The following AMMECR1 variants were observed in gnomAD, a reference collection of about 807,000 sequenced individuals.
The protein encoded by AMMECR1 is AMMECR nuclear protein 1.
AMMECR1 carries 3 observed loss-of-function variants against 22.5 expected under a neutral mutation model. That is an observed-to-expected ratio of 0.13 (90% CI 0.06 to 0.35). The LOEUF is 0.35. AMMECR1 is among the 10% of genes least tolerant of loss of function. The probability of loss-of-function intolerance (pLI) is 1.00; values close to 1 mark genes in which losing one functional copy is unlikely to be tolerated. For synonymous variants in AMMECR1, 130 were observed against 116.7 expected (o/e 1.11, Z -0.74); for missense variants, 235 against 278.7 (o/e 0.84, Z 1.12).
chrX:110,364,677 T>C (rs761632656), intron 2 of AMMECR1, among the ~76,000 whole-genome samples: 5 of 111,812 alleles, frequency 4.5e-5, no homozygotes, highest in Non-Finnish European at 9.4e-5. Context: ...GTGAAGCTGA[T>C]GAATGGATCC....
rs2068057590 is a variant in AMMECR1, at chrX:110,317,775, G to C, written c.297C>G (p.Thr99=). 1 of 1,175,543 alleles carries C rather than the reference G, an allele frequency of 8.5e-7. No individual in the cohort carries two copies. Among genetic ancestry groups the C allele is most frequent in the Admixed American group, 2.5e-5 (1 of 40,501 alleles). The change falls in exon 1 of 6, where the codon ACC becomes ACG. Residue 99 remains threonine (T), a synonymous_variant. Transcript: ENST00000262844. ...PSCGVGTLLS[T]PAAATSSSPS... ...GTGAGGAAGAGGTGGCGGCGGCCGG[G>C]GTAGAAAGTAGGGTCCCCACTCCGC...
At chrX:110,347,216 T>G (rs1218573816) in intron 2 of AMMECR1, among the ~76,000 whole-genome samples, 2 of 113,622 alleles carry the variant, frequency 1.8e-5, no homozygotes, top group African/African-American at 6.4e-5. Flanking sequence ...CACTGAATCT[T>G]ACTATTGTTG....
At chrX:110,287,983 G>C (rs2067889277) in intron 1 of AMMECR1, among the ~76,000 whole-genome samples, 2 of 112,122 alleles carry the variant, frequency 1.8e-5, no homozygotes, top group African/African-American at 3.2e-5. Context: ...ACTCTAATAA[G>C]TGAAGGAGAG....
chrX:110,327,673 C>T (rs1344780767), intron 2 of AMMECR1, among the ~76,000 whole-genome samples: 1 of 111,360 alleles, frequency 9.0e-6, no homozygotes, highest in Non-Finnish European at 1.9e-5. Flanking sequence ...TAGAGGAGCA[C>T]TAGGTCAAAG....
chrX:110,439,032 T>A (rs757720717), intron 1 of AMMECR1, among the ~76,000 whole-genome samples: 1 of 111,991 alleles, frequency 8.9e-6, no homozygotes, highest in Non-Finnish European at 1.9e-5. Context: ...AAACAAGTTA[T>A]GTACCCCTAA....
chrX:110,289,559 T>C (rs2067897501), intron 1 of AMMECR1, among the ~76,000 whole-genome samples: 1 of 112,491 alleles, frequency 8.9e-6, no homozygotes, highest in Non-Finnish European at 1.9e-5. Flanking sequence ...TTATTCTATT[T>C]ATACTGGAAG....
chrX:110,395,785 G>A (rs2068524788), intron 2 of AMMECR1, among the ~76,000 whole-genome samples: 1 of 110,890 alleles, frequency 9.0e-6, no homozygotes. Flanking sequence ...TACATGAGTT[G>A]CCCAGGGCAC....
intron 2 of AMMECR1, among the ~76,000 whole-genome samples, chrX:110,384,047 T>C (rs1055791705): frequency 1.8e-5 from 2 of 112,216 alleles, no homozygotes; most frequent in African/African-American, 3.2e-5. Flanking sequence ...TTATACATCA[T>C]CATTTCTTCT....
Position 110,368,979 on chromosome X carries a change from C to T in AMMECR1, c.-147-51130G>A, listed in dbSNP as rs763043400. On this transcript the variant is annotated intron_variant, in intron 2 of 7. Coordinates refer to the AMMECR1 transcript ENST00000372057. ...AGTTTAGTCTTTACATGAGGACTTC[C>T]AGGAAGTTCCATAGATTCTTAAGCA... 6.3e-5 allele frequency among the ~76,000 whole-genome samples: 7 copies of T among 111,752 alleles called. No individual in the cohort carries two copies. The East Asian group carries it at 2.0e-3, about 31-fold the overall frequency.
chrX:110,403,694 G>A (rs1316391981), intron 2 of AMMECR1, among the ~76,000 whole-genome samples: 3 of 112,012 alleles, frequency 2.7e-5, no homozygotes, highest in Non-Finnish European at 5.6e-5. Flanking sequence ...GCCTTTGTAC[G>A]TTTATGACAA....
At chrX:110,344,253 G>A (rs150332223) in intron 2 of AMMECR1, among the ~76,000 whole-genome samples, 1,396 of 111,958 alleles carry the variant, frequency 0.012, 20 homozygotes, top group African/African-American at 0.041. Context: ...AAAGGATTCC[G>A]TATTTAACAA....
intron 2 of AMMECR1, among the ~76,000 whole-genome samples, chrX:110,336,748 TTTGATGAAATTAATG>T (rs1349195005): frequency 1.8e-5 from 2 of 110,412 alleles, no homozygotes; most frequent in South Asian, 7.9e-4. Flanking sequence ...TTATTATTGC[TTTGATGAAATTAATG>T]TAGGAAGAGC....
In AMMECR1 at chrX:110,210,125, G is replaced by A. The variant is rs771990436; in HGVS notation, c.699+6393C>T. Among the ~76,000 whole-genome samples the A allele has an allele frequency of 8.2e-5, 9 of 110,356 alleles. 1 individual carries two copies. The East Asian group carries it at 2.6e-3, about 31-fold the overall frequency. ...TATGCATTAAATCACCTTCTAAGAAGTTACTTTACTTTGTACAGCTTGCTT... is the reference window on the plus strand; with the variant it reads ...TATGCATTAAATCACCTTCTAAGAAATTACTTTACTTTGTACAGCTTGCTT... On this transcript the variant is annotated intron_variant, in intron 3 of 5. Coordinates refer to ENST00000262844, the MANE Select transcript of AMMECR1 (RefSeq NM_015365.3).
chrX:110,362,248 C>G (rs1203667681), intron 2 of AMMECR1, among the ~76,000 whole-genome samples: 1 of 111,593 alleles, frequency 9.0e-6, no homozygotes, highest in Non-Finnish European at 1.9e-5. Flanking sequence ...TTCCCCTCAT[C>G]CCTACACTAA....
At chrX:110,417,333 T>A (rs1346750917) in intron 2 of AMMECR1, among the ~76,000 whole-genome samples, 1 of 112,134 alleles carries the variant, frequency 8.9e-6, no homozygotes. Flanking sequence ...GGTTTTCAAT[T>A]CAATTCAACA....
intron 3 of AMMECR1, among the ~76,000 whole-genome samples, chrX:110,215,821 A>G (rs940256757): frequency 1.7e-4 from 19 of 111,112 alleles, no homozygotes; most frequent in Middle Eastern, 4.6e-3. Flanking sequence ...CATAGACCCA[A>G]TAGACCTACA....
intron 1 of AMMECR1, among the ~76,000 whole-genome samples, chrX:110,437,538 G>A (rs2068848054): frequency 8.9e-6 from 1 of 111,947 alleles, no homozygotes; most frequent in African/African-American, 3.3e-5. Context: ...GTGTCCACTA[G>A]GCCTTAGGAA....
intron 2 of AMMECR1, among the ~76,000 whole-genome samples, chrX:110,406,384 G>C (rs140275233): frequency 0.041 from 4,482 of 110,411 alleles, 125 homozygotes; most frequent in African/African-American, 0.093. Context: ...GCGATAGTTT[G>C]CTGAGAATGA....
intron 3 of AMMECR1, among the ~76,000 whole-genome samples, chrX:110,208,049 C>T (rs1486760768): frequency 8.9e-6 from 1 of 111,923 alleles, no homozygotes; most frequent in Non-Finnish European, 1.9e-5. Context: ...GCCTGTAATC[C>T]TAGTACCATC....
Sources: allele counts gnomAD v4.1 joint callset (sites outside exome capture counted in the v4.1 genomes callset), GRCh38; gene constraint gnomAD v4.1.1; transcripts MANE v1.5; gene names NCBI Gene and HGNC (gene_info 2026-07-23, HGNC 2026-07-21).